The following TSPAN12 variants were observed in gnomAD, a reference collection of about 807,000 sequenced individuals.
The protein encoded by TSPAN12 is tetraspanin 12, also known as tetraspanin-12.
A neutral mutation model predicts 39.2 loss-of-function variants in TSPAN12; 19 were observed. That is an observed-to-expected ratio of 0.49 (90% CI 0.34 to 0.71). The LOEUF is 0.71. TSPAN12 is among the 30% of genes least tolerant of loss of function. The pLI, the probability that TSPAN12 is intolerant of heterozygous loss-of-function variation, is 0.01. For missense variants in TSPAN12, 314 were observed against 359.9 expected (o/e 0.87, Z 1.03); for synonymous variants, 119 against 124.8 (o/e 0.95, Z 0.31).
chr7:120,844,925 C>T (rs898037465), intron 2 of TSPAN12, among the ~76,000 whole-genome samples: 7 of 152,216 alleles, frequency 4.6e-5, no homozygotes, highest in African/African-American at 1.4e-4. Context: ...AGTAGAGATT[C>T]TCCATGAGGG....
At chr7:120,800,232 G>A (rs1793740889) in intron 7 of TSPAN12, among the ~76,000 whole-genome samples, 1 of 152,086 alleles carries the variant, frequency 6.6e-6, no homozygotes. Flanking sequence ...TCAACGGAGA[G>A]AATAAAACCC....
intron 7 of TSPAN12, among the ~76,000 whole-genome samples, chr7:120,789,510 A>C (rs1793478883): frequency 6.6e-6 from 1 of 152,254 alleles, no homozygotes; most frequent in South Asian, 2.1e-4. Flanking sequence ...ATTCTGTGGG[A>C]AACTAACATA....
chr7:120,846,867 G>T (rs1372945054), intron 2 of TSPAN12, among the ~76,000 whole-genome samples: 3 of 152,220 alleles, frequency 2.0e-5, no homozygotes, highest in Admixed American at 1.3e-4. Context: ...TTCTCTAAGA[G>T]AGCTAAGATC....
chr7:120,833,165 G>A (rs1465200266), intron 4 of TSPAN12, among the ~76,000 whole-genome samples: 3 of 151,824 alleles, frequency 2.0e-5, no homozygotes, highest in Admixed American at 6.6e-5. Context: ...CTGAACATAC[G>A]GTAAATAATA....
intron 6 of TSPAN12, among the ~76,000 whole-genome samples, chr7:120,808,835 A>G (rs1793924420): frequency 6.6e-6 from 1 of 152,004 alleles, no homozygotes; most frequent in Admixed American, 6.6e-5. Flanking sequence ...GCATATGTTG[A>G]AATTCTACCT....
intron 2 of TSPAN12, among the ~76,000 whole-genome samples, chr7:120,849,546 C>A (rs1266100848): frequency 6.6e-6 from 1 of 152,180 alleles, no homozygotes; most frequent in Non-Finnish European, 1.5e-5. Context: ...TCAAGGATGA[C>A]AGCTGTCTAA....
chr7:120,813,717 T>C (rs781120961), intron 5 of TSPAN12, among the ~76,000 whole-genome samples: 2 of 152,184 alleles, frequency 1.3e-5, no homozygotes, highest in Non-Finnish European at 2.9e-5. Flanking sequence ...AGATGTACTC[T>C]CTATGGCTTA....
At chr7:120,853,493 T>TATATATATATATAC (rs10639551) in intron 2 of TSPAN12, among the ~76,000 whole-genome samples, 13 of 145,918 alleles carry the variant, frequency 8.9e-5, no homozygotes, top group Non-Finnish European at 1.9e-4. Flanking sequence ...TATATATATA[T>TATATATATATATAC]ACACACACAT....
At chr7:120,795,685 A>T (rs1793615124) in intron 7 of TSPAN12, among the ~76,000 whole-genome samples, 1 of 152,226 alleles carries the variant, frequency 6.6e-6, no homozygotes, top group African/African-American at 2.4e-5. Context: ...ATTGATTATC[A>T]GATGAAAATA....
chr7:120,844,316 C>A (rs1263797224), intron 2 of TSPAN12, among the ~76,000 whole-genome samples: 2 of 152,154 alleles, frequency 1.3e-5, no homozygotes, highest in Admixed American at 1.3e-4. Flanking sequence ...ATCTCATGTC[C>A]TTTTCACATT....
rs541823289 is a variant in TSPAN12 at position 120,793,806 on chromosome 7, T to C, written c.613-4909A>G. ...TTCCACCAAGGTGTATTTAATGACA[T>C]GTATTGGAAAACACCATAAGAAACT... On this transcript the variant is annotated intron_variant, in intron 7 of 7. Coordinates refer to ENST00000222747, the MANE Select transcript of TSPAN12 (RefSeq NM_012338.4). Among the ~76,000 whole-genome samples, 10 of 152,376 alleles carry C rather than the reference T, an allele frequency of 6.6e-5. No individual in the cohort carries two copies. In the South Asian group the frequency reaches 8.3e-4, roughly 13 times the overall value.
chr7:120,804,683 C>T (rs1321275442), intron 7 of TSPAN12, among the ~76,000 whole-genome samples: 3 of 152,038 alleles, frequency 2.0e-5, no homozygotes, highest in African/African-American at 4.8e-5. Flanking sequence ...TCCCAAAATT[C>T]GTATGTTAAA....
rs1014897119 is a variant in TSPAN12 at position 120,817,388 on chromosome 7, C to G, written c.286-1585G>C. ...TCGGGGACAGAGAGAGAACCTGTCT[C>G]AAAAAAAAAGTGTAGATTATTTGAA... On this transcript the variant is annotated intron_variant, in intron 4 of 7. Coordinates refer to ENST00000222747, the MANE Select transcript of TSPAN12 (RefSeq NM_012338.4). Among the ~76,000 whole-genome samples the G allele has an allele frequency of 2.1e-4, 26 of 126,510 alleles. 1 individual carries two copies. The highest frequency in any genetic ancestry group is 1.8e-3 in the Admixed American group (24 of 13,164). 83.0% of individuals were successfully genotyped at this position (126,510 alleles called of 152,430 possible).
At position 120,857,999 on chromosome 7, in the gene TSPAN12, G is replaced by GAAA. The variant is rs561967326; in HGVS notation, c.-253_-251dup. 3 of 114,124 alleles carry GAAA rather than the reference G, an allele frequency of 2.6e-5. No individual in the cohort carries two copies. The highest frequency in any genetic ancestry group is 2.8e-4 in the South Asian group (1 of 3,540). The allele number at this position is 114,124 out of a possible 1,614,324, so 7.1% of individuals were successfully genotyped here. On this transcript the variant is annotated 5_prime_UTR_variant, in exon 1 of 8. Transcript: ENST00000222747. ...CGCCGTCGCCGCCTCCTGGGAAAAA[G>GAAA]AAAAAAAAAAAAAAAAGTCCTGGGC...
intron 3 of TSPAN12, among the ~76,000 whole-genome samples, chr7:120,839,707 T>C (rs1794542358): frequency 6.6e-6 from 1 of 152,184 alleles, no homozygotes; most frequent in South Asian, 2.1e-4. Flanking sequence ...AAGCTGACGG[T>C]AATTTTCTTA....
intron 2 of TSPAN12, among the ~76,000 whole-genome samples, chr7:120,842,033 G>T (rs78310970): frequency 0.026 from 3,974 of 152,118 alleles, 170 homozygotes; most frequent in African/African-American, 0.091. Context: ...AGGGAAATTC[G>T]ACTTACCCTG....
chr7:120,846,054 A>G (rs972826655), intron 2 of TSPAN12, among the ~76,000 whole-genome samples: 2 of 152,204 alleles, frequency 1.3e-5, no homozygotes, highest in African/African-American at 4.8e-5. Context: ...ACTTTCAAAC[A>G]TGGTGGAAGG....
At chr7:120,806,322 A>G (rs2116347047) in intron 7 of TSPAN12, among the ~76,000 whole-genome samples, 1 of 152,190 alleles carries the variant, frequency 6.6e-6, no homozygotes, top group Non-Finnish European at 1.5e-5. Context: ...AAATCCAATT[A>G]ATTACAAAAC....
intron 4 of TSPAN12, among the ~76,000 whole-genome samples, chr7:120,836,552 C>T (rs776545749): frequency 6.6e-6 from 1 of 152,190 alleles, no homozygotes; most frequent in Non-Finnish European, 1.5e-5. Context: ...CTGAACCCTT[C>T]GGGCTGAGCT....
Sources: allele counts gnomAD v4.1 joint callset (sites outside exome capture counted in the v4.1 genomes callset), GRCh38; gene constraint gnomAD v4.1.1; transcripts MANE v1.5; gene names NCBI Gene and HGNC (gene_info 2026-07-23, HGNC 2026-07-21).